Variants in ROBO2 observed in about 807,000 individuals in gnomAD.
The protein encoded by ROBO2 is roundabout homolog 2.
In ROBO2, 53 loss-of-function variants were observed where a neutral mutation model predicts 160.8. The ratio of observed to expected loss-of-function variants is 0.33; its 90% CI spans 0.26 to 0.41. ROBO2 has a LOEUF of 0.41. ROBO2 is among the 10% of genes least tolerant of loss of function. ROBO2 has a pLI of 1.00. For synonymous variants in ROBO2, 664 were observed against 611.7 expected (o/e 1.09, Z -1.26); for missense variants, 1,577 against 1,722.4 (o/e 0.92, Z 1.49).
At chr3:77,424,403 T>G (rs901560275) in intron 2 of ROBO2, among the ~76,000 whole-genome samples, 16 of 152,290 alleles carry the variant, frequency 1.1e-4, no homozygotes, top group Admixed American at 5.2e-4. Flanking sequence ...AAGTATATGC[T>G]TTTACCCAGG....
At chr3:76,623,250 C>T (rs2089358001) in intron 2 of ROBO2, among the ~76,000 whole-genome samples, 1 of 152,092 alleles carries the variant, frequency 6.6e-6, no homozygotes, top group African/African-American at 2.4e-5. Flanking sequence ...ACAGAAATAA[C>T]TTTTTTCCAG....
intron 2 of ROBO2, among the ~76,000 whole-genome samples, chr3:77,222,212 G>A (rs554883205): frequency 6.6e-6 from 1 of 152,276 alleles, no homozygotes; most frequent in South Asian, 2.1e-4. Context: ...AGGTGGAAAA[G>A]AGATGTTACA....
chr3:76,284,659 G>A (rs1708421624), intron 2 of ROBO2, among the ~76,000 whole-genome samples: 1 of 152,042 alleles, frequency 6.6e-6, no homozygotes, highest in East Asian at 1.9e-4. Flanking sequence ...GCTTCTGTGA[G>A]TAAAACAATC....
At chr3:76,293,808 G>T (rs914014472) in intron 2 of ROBO2, among the ~76,000 whole-genome samples, 1 of 152,282 alleles carries the variant, frequency 6.6e-6, no homozygotes, top group South Asian at 2.1e-4. Flanking sequence ...GACTATAACC[G>T]TTCTATTGTC....
chr3:77,346,692 A>G (rs958145261), intron 2 of ROBO2, among the ~76,000 whole-genome samples: 3 of 152,136 alleles, frequency 2.0e-5, no homozygotes. Flanking sequence ...CTACAGTTGC[A>G]GGACTGAGAT....
intron 24 of ROBO2, among the ~76,000 whole-genome samples, chr3:77,637,373 G>T (rs1198626790): frequency 6.6e-6 from 1 of 152,182 alleles, no homozygotes; most frequent in African/African-American, 2.4e-5. Context: ...TCTTGCAAAG[G>T]TAAGAGGACT....
chr3:76,996,633 G>T (rs749904037), intron 2 of ROBO2, among the ~76,000 whole-genome samples: 1 of 152,016 alleles, frequency 6.6e-6, no homozygotes, highest in Non-Finnish European at 1.5e-5. Context: ...TCATTGAGCA[G>T]TGGTTTTGTC....
At chr3:77,311,398 A>T (rs2063530905) in intron 2 of ROBO2, among the ~76,000 whole-genome samples, 1 of 152,232 alleles carries the variant, frequency 6.6e-6, no homozygotes, top group Non-Finnish European at 1.5e-5. Context: ...GGATTTTAGA[A>T]GATTTAGTCA....
chr3:77,418,259 G>T (rs905624469), intron 2 of ROBO2, among the ~76,000 whole-genome samples: 3 of 152,152 alleles, frequency 2.0e-5, no homozygotes, highest in African/African-American at 7.2e-5. Flanking sequence ...TTGAGCAAAA[G>T]TTTTCTTAGT....
intron 1 of ROBO2, among the ~76,000 whole-genome samples, chr3:75,914,435 T>C (rs548485586): frequency 6.6e-6 from 1 of 152,342 alleles, no homozygotes; most frequent in Admixed American, 6.5e-5. Flanking sequence ...TTTTGCCTTA[T>C]TGCTCTCTGC....
intron 2 of ROBO2, among the ~76,000 whole-genome samples, chr3:76,519,800 G>T (rs979644698): frequency 6.6e-6 from 1 of 152,118 alleles, no homozygotes; most frequent in Non-Finnish European, 1.5e-5. Context: ...AAAGTTTCTG[G>T]CTTCAGGTTT....
At chr3:77,256,075 G>A (rs943334969) in intron 2 of ROBO2, among the ~76,000 whole-genome samples, 2 of 152,150 alleles carry the variant, frequency 1.3e-5, no homozygotes, top group Non-Finnish European at 2.9e-5. Flanking sequence ...CTCATTAACC[G>A]AATGAAGCCA....
intron 2 of ROBO2, among the ~76,000 whole-genome samples, chr3:76,355,397 A>C (rs2075101976): frequency 6.6e-6 from 1 of 151,696 alleles, no homozygotes; most frequent in African/African-American, 2.4e-5. Flanking sequence ...GCTGTGAAAA[A>C]GGTAACAATA....
intron 2 of ROBO2, among the ~76,000 whole-genome samples, chr3:76,508,332 A>T (rs2080901543): frequency 6.6e-6 from 1 of 152,186 alleles, no homozygotes; most frequent in African/African-American, 2.4e-5. Context: ...GGCAACATGA[A>T]CTGCATTCCT....
chr3:77,450,043 T>A (rs544169434), intron 2 of ROBO2, among the ~76,000 whole-genome samples: 2 of 151,760 alleles, frequency 1.3e-5, no homozygotes, highest in East Asian at 3.9e-4. Flanking sequence ...AAAAAAAAAA[T>A]TTGTAAAGTA....
chr3:77,494,898 T>C (rs566597103), intron 5 of ROBO2, among the ~76,000 whole-genome samples: 1 of 152,326 alleles, frequency 6.6e-6, no homozygotes, highest in South Asian at 2.1e-4. Context: ...ATTCAGTTAG[T>C]TTTTCAGCCT....
At chr3:76,855,454 G>C (rs1379406541) in intron 2 of ROBO2, among the ~76,000 whole-genome samples, 1 of 152,146 alleles carries the variant, frequency 6.6e-6, no homozygotes, top group Non-Finnish European at 1.5e-5. Context: ...TCAAATTTCA[G>C]ACCTTTGCAA....
At chr3:77,249,129 G>A (rs537188443) in intron 2 of ROBO2, among the ~76,000 whole-genome samples, 1 of 152,108 alleles carries the variant, frequency 6.6e-6, no homozygotes, top group East Asian at 1.9e-4. Context: ...GGGATTACAG[G>A]CGTGAGCCAC....
At chr3:77,118,336 TA>T (rs771304487) in intron 2 of ROBO2, among the ~76,000 whole-genome samples, 1 of 152,182 alleles carries the variant, frequency 6.6e-6, no homozygotes, top group Non-Finnish European at 1.5e-5. Context: ...AGACACAATT[TA>T]AAAAATGAGG....
Sources: allele counts gnomAD v4.1 joint callset (sites outside exome capture counted in the v4.1 genomes callset), GRCh38; gene constraint gnomAD v4.1.1; transcripts MANE v1.5; gene names NCBI Gene and HGNC (gene_info 2026-07-23, HGNC 2026-07-21).